Variants in NTM observed in about 807,000 individuals in gnomAD.
NTM encodes the protein IgLON family member 2.
NTM carries 13 observed loss-of-function variants against 42.1 expected under a neutral mutation model. That is an observed-to-expected ratio of 0.31 (90% CI 0.20 to 0.49). The LOEUF (loss-of-function observed/expected upper bound fraction) is 0.49, where lower values mean the gene tolerates loss of function less well. NTM is among the 20% of genes least tolerant of loss of function. The pLI, the probability that NTM is intolerant of heterozygous loss-of-function variation, is 0.99. For synonymous variants in NTM, 187 were observed against 179.2 expected (o/e 1.04, Z -0.35); for missense variants, 373 against 452.8 (o/e 0.82, Z 1.60).
chr11:131,715,630 C>T (rs1395308416), intron 1 of NTM, among the ~76,000 whole-genome samples: 1 of 152,172 alleles, frequency 6.6e-6, no homozygotes, highest in Non-Finnish European at 1.5e-5. Flanking sequence ...ATCTGTTCCT[C>T]CTGTCAGCCT....
Position 131,584,458 on chromosome 11 carries a change from T to G in NTM, c.82+213570T>G, listed in dbSNP as rs1477576999. Among the ~76,000 whole-genome samples the G allele has an allele frequency of 2.0e-5, 3 of 151,044 alleles. 1 individual carries two copies. The highest frequency in any genetic ancestry group is 4.4e-5 in the Non-Finnish European group (3 of 67,744). On this transcript the variant is annotated intron_variant, in intron 1 of 8. Transcript: ENST00000683400. ...GGGAGTTAAATGAGCCTCCCTGGAGTGTGGGAAGTGAGAATTTTAAGTGAG... is the reference window on the plus strand; with the variant it reads ...GGGAGTTAAATGAGCCTCCCTGGAGGGTGGGAAGTGAGAATTTTAAGTGAG...
chr11:132,158,899 G>C (rs1450014863), intron 3 of NTM, among the ~76,000 whole-genome samples: 3 of 152,124 alleles, frequency 2.0e-5, no homozygotes, highest in Admixed American at 6.6e-5. Context: ...AGTCACTCCA[G>C]GTCACTGCCT....
chr11:131,812,117 G>A (rs185949024), intron 1 of NTM, among the ~76,000 whole-genome samples: 34 of 151,288 alleles, frequency 2.2e-4, no homozygotes, highest in African/African-American at 7.8e-4. Context: ...ACTCCATTTG[G>A]TCTCTTCCAA....
chr11:131,789,760 T>A (rs557861198), intron 1 of NTM, among the ~76,000 whole-genome samples: 4 of 149,882 alleles, frequency 2.7e-5, no homozygotes, highest in African/African-American at 9.8e-5. Context: ...ATCAAGACCA[T>A]CCTGGCTAAC....
chr11:131,609,806 T>C (rs1041757598), intron 1 of NTM, among the ~76,000 whole-genome samples: 1 of 152,162 alleles, frequency 6.6e-6, no homozygotes, highest in African/African-American at 2.4e-5. Flanking sequence ...TTAATATAAA[T>C]GCTAATTAGG....
chr11:131,551,687 A>G (rs1466656659), intron 1 of NTM, among the ~76,000 whole-genome samples: 1 of 152,220 alleles, frequency 6.6e-6, no homozygotes, highest in Admixed American at 6.5e-5. Context: ...TCACTTATCC[A>G]CACGGGCTTT....
chr11:131,497,525 T>C (rs318974), intron 1 of NTM, among the ~76,000 whole-genome samples: 112,101 of 151,764 alleles, frequency 0.74, 41,690 homozygotes, highest in East Asian at 0.81. Flanking sequence ...TCTGAGAGTC[T>C]ACATGATGTG....
At chr11:131,855,614 G>A (rs1204786544) in intron 1 of NTM, among the ~76,000 whole-genome samples, 1 of 152,174 alleles carries the variant, frequency 6.6e-6, no homozygotes, top group East Asian at 1.9e-4. Context: ...ACACTTGATA[G>A]CCTTCATTTT....
At chr11:131,412,869 T>G (rs1946568372) in intron 1 of NTM, among the ~76,000 whole-genome samples, 1 of 152,196 alleles carries the variant, frequency 6.6e-6, no homozygotes, top group Admixed American at 6.5e-5. Context: ...GTCTGCTTTC[T>G]GCTGAATCGT....
chr11:131,556,292 A>C (rs2055402137), intron 1 of NTM, among the ~76,000 whole-genome samples: 2 of 152,188 alleles, frequency 1.3e-5, no homozygotes, highest in Admixed American at 6.5e-5. Flanking sequence ...AACAGAGGGA[A>C]GCAGGTAGAC....
chr11:132,007,521 C>A (rs552935151), intron 2 of NTM, among the ~76,000 whole-genome samples: 1 of 152,270 alleles, frequency 6.6e-6, no homozygotes, highest in South Asian at 2.1e-4. Flanking sequence ...GGTTTCCAGG[C>A]AGATATTTCT....
intron 1 of NTM, among the ~76,000 whole-genome samples, chr11:131,670,391 T>TTTC (rs1565401507): frequency 2.0e-5 from 3 of 151,852 alleles, no homozygotes; most frequent in East Asian, 3.9e-4. Context: ...TTCTTTCTTT[T>TTTC]TCTTTCTTTC....
intron 2 of NTM, among the ~76,000 whole-genome samples, chr11:132,108,139 C>T (rs554148572): frequency 2.0e-5 from 3 of 152,304 alleles, no homozygotes; most frequent in African/African-American, 4.8e-5. Flanking sequence ...CTCCCCATCT[C>T]GTAATATCCA....
intron 4 of NTM, among the ~76,000 whole-genome samples, chr11:132,236,021 CAA>C (rs1491384885): frequency 2.5e-4 from 38 of 150,874 alleles, no homozygotes; most frequent in Admixed American, 4.6e-4. Context: ...CACACACACA[CAA>C]CAAAATTGTA....
intron 1 of NTM, among the ~76,000 whole-genome samples, chr11:131,746,571 A>C (rs2081858286): frequency 6.6e-6 from 1 of 152,180 alleles, no homozygotes; most frequent in South Asian, 2.1e-4. Context: ...ATAAGCATTA[A>C]GCATGTTGTC....
At chr11:131,467,819 G>A (rs1055252963) in intron 1 of NTM, among the ~76,000 whole-genome samples, 4 of 152,228 alleles carry the variant, frequency 2.6e-5, no homozygotes, top group African/African-American at 4.8e-5. Context: ...AGGATTGAAT[G>A]ACCTGGGAAG....
At chr11:131,635,781 C>T (rs922363023) in intron 1 of NTM, among the ~76,000 whole-genome samples, 1 of 152,158 alleles carries the variant, frequency 6.6e-6, no homozygotes. Flanking sequence ...CTCACTGACT[C>T]ACCCAGAGGA....
At chr11:131,398,001 A>G (rs1202658097) in intron 1 of NTM, among the ~76,000 whole-genome samples, 1 of 152,208 alleles carries the variant, frequency 6.6e-6, no homozygotes, top group Non-Finnish European at 1.5e-5. Flanking sequence ...TATTCTTTCA[A>G]AGGTTGTATC....
chr11:131,844,309 C>G (rs7129266), intron 1 of NTM, among the ~76,000 whole-genome samples: 111,277 of 151,916 alleles, frequency 0.73, 41,031 homozygotes, highest in East Asian at 0.86. Flanking sequence ...GTTCTGTATT[C>G]GGACTTTTAT....
Sources: allele counts gnomAD v4.1 joint callset (sites outside exome capture counted in the v4.1 genomes callset), GRCh38; gene constraint gnomAD v4.1.1; transcripts MANE v1.5; gene names NCBI Gene and HGNC (gene_info 2026-07-23, HGNC 2026-07-21).